Variants in IQSEC1 observed in about 807,000 individuals in gnomAD.
The protein encoded by IQSEC1 is IQ motif and SEC7 domain-containing protein 1.
IQSEC1 carries 31 observed loss-of-function variants against 91.0 expected under a neutral mutation model. The ratio of observed to expected loss-of-function variants is 0.34; its 90% CI spans 0.26 to 0.46. The LOEUF is 0.46. IQSEC1 is among the 20% of genes least tolerant of loss of function. The pLI, the probability that IQSEC1 is intolerant of heterozygous loss-of-function variation, is 1.00. For synonymous variants in IQSEC1, 699 were observed against 662.6 expected, an observed-to-expected ratio of 1.05 and a Z score of -0.84; for missense variants, 1,388 against 1,575.6, an observed-to-expected ratio of 0.88 and a Z score of 2.02.
intron 2 of IQSEC1, among the ~76,000 whole-genome samples, chr3:13,135,284 G>A (rs554802693): frequency 6.6e-6 from 1 of 152,246 alleles, no homozygotes; most frequent in South Asian, 2.1e-4. Context: ...CACAGTCATG[G>A]TCTAAAGGGA....
At chr3:13,227,544 C>T (rs1694777971) in intron 1 of IQSEC1, among the ~76,000 whole-genome samples, 1 of 151,984 alleles carries the variant, frequency 6.6e-6, no homozygotes, top group Admixed American at 6.5e-5. Context: ...AGGGGCTGTG[C>T]CCACTGTGAG....
chr3:13,241,760 G>C (rs1007231459), intron 1 of IQSEC1, among the ~76,000 whole-genome samples: 2 of 152,232 alleles, frequency 1.3e-5, no homozygotes, highest in Admixed American at 6.5e-5. Flanking sequence ...TCATCCCAGA[G>C]GGGGATAGCC....
intron 1 of IQSEC1, among the ~76,000 whole-genome samples, chr3:13,264,726 A>G (rs1695454044): frequency 6.6e-6 from 1 of 151,594 alleles, no homozygotes. Context: ...GACGGAGGAG[A>G]GGGCAGGAGG....
rs1390139070 is a variant in IQSEC1, at chr3:12,898,980, GTTTC to G, written c.*1999_*2002del. On this transcript the variant is annotated 3_prime_UTR_variant, in exon 14 of 14. Transcript: ENST00000613206. ...GGACCCAATCACACGGTCCCATGCT[GTTTC>G]TTTCTGAGCAGACACCAAAGAAATG... 4.7e-5 allele frequency: 10 copies of G among 210,878 alleles called. No homozygotes were observed. Among genetic ancestry groups the G allele is most frequent in the African/African-American group, 1.8e-4 (8 of 43,520 alleles). 13.1% of individuals were successfully genotyped at this position (210,878 alleles called of 1,614,324 possible). A position where few individuals can be genotyped will look rare whatever the true frequency, so the allele number is the denominator to read the frequency against.
chr3:13,175,585 T>C (rs1218232203), intron 1 of IQSEC1, among the ~76,000 whole-genome samples: 3 of 152,248 alleles, frequency 2.0e-5, no homozygotes, highest in Non-Finnish European at 4.4e-5. Flanking sequence ...TTTGTGAATA[T>C]GGGCTGGACT....
chr3:12,956,435 C>A (rs540542794), intron 1 of IQSEC1, among the ~76,000 whole-genome samples: 1 of 152,334 alleles, frequency 6.6e-6, no homozygotes, highest in East Asian at 1.9e-4. Flanking sequence ...CCACTGGGTC[C>A]TGTGAGTGTG....
In IQSEC1 at chr3:13,081,880, C is replaced by T. The variant is rs189345242; in HGVS notation, c.303-34358G>A. On this transcript the variant is annotated intron_variant, in intron 2 of 15. Transcript: ENST00000648114. ...CGTTCACAGAGGGTTGACGTGAATA[C>T]CAAATGACTGAATGCACTTGATGTG... 2.8e-3 allele frequency among the ~76,000 whole-genome samples: 420 copies of T among 152,330 alleles called. 4 individuals are homozygous for T. Among genetic ancestry groups the T allele is most frequent in the African/African-American group, 9.9e-3 (410 of 41,558 alleles).
At chr3:12,965,125 G>A (rs1342714553) in intron 1 of IQSEC1, among the ~76,000 whole-genome samples, 1 of 152,134 alleles carries the variant, frequency 6.6e-6, no homozygotes, top group Non-Finnish European at 1.5e-5. Context: ...CCAGTCTCTG[G>A]GTTCTCTTAG....
chr3:13,279,835 C>T (rs563436126), intron 1 of IQSEC1, among the ~76,000 whole-genome samples: 3 of 152,284 alleles, frequency 2.0e-5, no homozygotes, highest in African/African-American at 7.2e-5. Flanking sequence ...TTGCATGGCC[C>T]TGTCACCTTG....
Position 12,900,309 on chromosome 3 carries a change from T to C in IQSEC1, c.*674A>G, listed in dbSNP as rs1694104138. The C allele has an allele frequency of 1.0e-6, 1 of 984,738 alleles. No individual in the cohort carries two copies. The highest frequency in any genetic ancestry group is 1.7e-5 in the African/African-American group (1 of 57,184). The allele number at this position is 984,738 out of a possible 1,614,324, so 61.0% of individuals were successfully genotyped here. A position where few individuals can be genotyped will look rare whatever the true frequency, so the allele number is the denominator to read the frequency against. On this transcript the variant is annotated 3_prime_UTR_variant, in exon 14 of 14. Coordinates refer to ENST00000613206, the MANE Select transcript of IQSEC1 (RefSeq NM_001134382.3). ...AATATGAAGTATCTGAATTTGTTCC[T>C]AGCATTTAGGGTTTGGTCTATTGTC...
rs184926609 is a variant in IQSEC1, at chr3:13,088,656, G to C, written c.303-41134C>G. On this transcript the variant is annotated intron_variant, in intron 2 of 15. Transcript: ENST00000648114. ...CCTCCCGGGGACCCCACCCCACTCA[G>C]AATAAAAACCCCAATCCTTGCCATG... Among the ~76,000 whole-genome samples, 20 of 152,186 alleles carry C rather than the reference G, an allele frequency of 1.3e-4. No homozygotes were observed. In the East Asian group the frequency reaches 3.5e-3, roughly 27 times the overall value.
At chr3:13,162,025 T>C (rs1043572398) in intron 2 of IQSEC1, among the ~76,000 whole-genome samples, 2 of 152,182 alleles carry the variant, frequency 1.3e-5, no homozygotes, top group African/African-American at 4.8e-5. Flanking sequence ...AGCGCCTGCC[T>C]GGCAAATGCT....
chr3:13,247,753 G>A lies in IQSEC1; in HGVS notation c.272+34958C>T, dbSNP rs183483279. Among the ~76,000 whole-genome samples, 341 of 152,258 alleles carry A rather than the reference G, an allele frequency of 2.2e-3. 3 individuals are homozygous for A. Among genetic ancestry groups the A allele is most frequent in the African/African-American group, 7.4e-3 (309 of 41,546 alleles). On this transcript the variant is annotated intron_variant, in intron 1 of 15. Coordinates refer to the IQSEC1 transcript ENST00000648114. ...TGGATCTGGATCTGGAGGGAGGGCC[G>A]GGGACTTCCTCTGGGCTGTTGACAC...
chr3:13,084,104 T>G (rs1705695284), intron 2 of IQSEC1, among the ~76,000 whole-genome samples: 1 of 151,906 alleles, frequency 6.6e-6, no homozygotes, highest in African/African-American at 2.4e-5. Flanking sequence ...GTTTCTAGGG[T>G]GGGGTGGAAG....
intron 1 of IQSEC1, among the ~76,000 whole-genome samples, chr3:13,204,226 C>A (rs1167014796): frequency 2.0e-5 from 3 of 152,266 alleles, no homozygotes; most frequent in Non-Finnish European, 4.4e-5. Context: ...GCCGCCTCCA[C>A]GTGCGACTGT....
chr3:12,966,700 T>C (rs2125517721), intron 1 of IQSEC1, among the ~76,000 whole-genome samples: 1 of 151,840 alleles, frequency 6.6e-6, no homozygotes, highest in East Asian at 2.0e-4. Flanking sequence ...GCCCCTCACA[T>C]CCACACTCTG....
intron 1 of IQSEC1, among the ~76,000 whole-genome samples, chr3:13,248,346 C>T (rs577144578): frequency 3.3e-5 from 5 of 152,338 alleles, no homozygotes; most frequent in Middle Eastern, 3.4e-3. Context: ...TGAGGATCCC[C>T]GAGCTCTGGA....
rs1279232388 is a variant in IQSEC1, at chr3:13,007,168, G to A, written c.24-65303C>T. Among the ~76,000 whole-genome samples the A allele has an allele frequency of 2.6e-5, 4 of 152,232 alleles. No individual in the cohort carries two copies. In the East Asian group the frequency reaches 5.8e-4, roughly 22 times the overall value. On this transcript the variant is annotated intron_variant, in intron 1 of 13. Transcript: ENST00000613206. ...GGCAGGGGCTGCATGAGACTGTGGG[G>A]AGGGAATCACGTGTCTTCATGCAGA...
At chr3:13,195,533 G>A (rs1172798746) in intron 1 of IQSEC1, among the ~76,000 whole-genome samples, 1 of 152,288 alleles carries the variant, frequency 6.6e-6, no homozygotes, top group Middle Eastern at 3.4e-3. Context: ...AACACTATTC[G>A]GCAATCAAAA....
Sources: gnomAD v4.1 joint callset for allele counts (sites outside exome capture counted in the v4.1 genomes callset) on GRCh38, gnomAD v4.1.1 for gene constraint, MANE v1.5 for transcripts, NCBI Gene and HGNC (gene_info 2026-07-23, HGNC 2026-07-21) for gene names.